Variants in CTNNA2 observed in about 807,000 individuals in gnomAD.
The protein encoded by CTNNA2 is catenin alpha-2.
CTNNA2 carries 42 observed loss-of-function variants against 101.0 expected under a neutral mutation model. That is an observed-to-expected ratio of 0.42 (90% CI 0.32 to 0.54). The LOEUF is 0.54. Ranked by LOEUF, CTNNA2 falls within the 20% of genes least tolerant of loss-of-function variation. The pLI is 0.14. For synonymous variants in CTNNA2, 450 were observed against 456.4 expected, an observed-to-expected ratio of 0.99 and a Z score of 0.18; for missense variants, 871 against 1,223.1, an observed-to-expected ratio of 0.71 and a Z score of 4.29.
intron 7 of CTNNA2, among the ~76,000 whole-genome samples, chr2:80,315,377 G>A (rs1212529649): frequency 1.3e-5 from 2 of 152,346 alleles, no homozygotes; most frequent in East Asian, 3.9e-4. Flanking sequence ...CAGGTTGACT[G>A]AAAGCTGTGG....
chr2:79,387,771 C>G (rs371997035), intron 4 of CTNNA2, among the ~76,000 whole-genome samples: 19 of 152,234 alleles, frequency 1.2e-4, no homozygotes, highest in African/African-American at 4.6e-4. Context: ...AGTGGGCTCA[C>G]TGACATTAAA....
intron 11 of CTNNA2, among the ~76,000 whole-genome samples, chr2:80,547,987 C>G (rs1024838350): frequency 5.9e-5 from 9 of 152,084 alleles, no homozygotes; most frequent in African/African-American, 2.2e-4. Context: ...CCATCGCGCC[C>G]AGCCCATTTC....
intron 9 of CTNNA2, among the ~76,000 whole-genome samples, chr2:80,433,961 T>G (rs1681786335): frequency 6.6e-6 from 1 of 152,204 alleles, no homozygotes; most frequent in African/African-American, 2.4e-5. Flanking sequence ...ATGAAAACAA[T>G]TCAACCTTTG....
At chr2:79,538,149 T>G (rs961269656) in intron 1 of CTNNA2, among the ~76,000 whole-genome samples, 1 of 152,154 alleles carries the variant, frequency 6.6e-6, no homozygotes, top group African/African-American at 2.4e-5. Flanking sequence ...CTCAAACTTG[T>G]TGTTTCAAAC....
In CTNNA2 at chr2:79,513,193, C is replaced by T. The variant is rs1039847249; in HGVS notation, c.-20C>T. On this transcript the variant is annotated 5_prime_UTR_variant, in exon 1 of 19. Transcript: ENST00000402739. ...GAAAGAGGAGGAGGCGAGAAACTCC[C>T]ACCGACCCACAGAGGTGAGTCCCGG... is the stretch of plus-strand genomic sequence containing the variant. The T allele has an allele frequency of 1.0e-4, 16 of 152,710 alleles. 1 individual carries two copies. Among genetic ancestry groups the T allele is most frequent in the African/African-American group, 3.9e-4 (16 of 41,428 alleles). 9.5% of individuals were successfully genotyped at this position (152,710 alleles called of 1,614,324 possible).
At chr2:80,380,778 A>G (rs1238284648) in intron 7 of CTNNA2, among the ~76,000 whole-genome samples, 1 of 152,190 alleles carries the variant, frequency 6.6e-6, no homozygotes, top group Admixed American at 6.5e-5. Context: ...TGGATGTAAT[A>G]TGCATTCTCA....
chr2:80,452,035 T>C (rs1350896452), intron 9 of CTNNA2, among the ~76,000 whole-genome samples: 1 of 152,212 alleles, frequency 6.6e-6, no homozygotes, highest in Non-Finnish European at 1.5e-5. Flanking sequence ...GATGACTAAT[T>C]ATAACAATAT....
At chr2:79,460,009 G>A (rs890251329) in intron 4 of CTNNA2, among the ~76,000 whole-genome samples, 2 of 151,904 alleles carry the variant, frequency 1.3e-5, no homozygotes, top group African/African-American at 4.8e-5. Flanking sequence ...TTCTACTGTT[G>A]TATCCTGTGT....
At chr2:80,635,970 G>A (rs1291574223) in intron 18 of CTNNA2, among the ~76,000 whole-genome samples, 1 of 83,950 alleles carries the variant, frequency 1.2e-5, no homozygotes, top group Non-Finnish European at 2.4e-5. Context: ...GATGCCCATT[G>A]CTTTTTTTTT....
chr2:79,736,208 A>T (rs1214394731), intron 2 of CTNNA2, among the ~76,000 whole-genome samples: 1 of 152,180 alleles, frequency 6.6e-6, no homozygotes, highest in African/African-American at 2.4e-5. Context: ...TACAACATAC[A>T]TATATCTTTA....
At position 80,471,909 on chromosome 2, in the gene CTNNA2, T is replaced by C. The variant is rs142528072; in HGVS notation, c.1290+52308T>C. Among the ~76,000 whole-genome samples the C allele has an allele frequency of 8.8e-4, 134 of 152,084 alleles. 1 individual carries two copies. The highest frequency in any genetic ancestry group is 3.1e-3 in the African/African-American group (128 of 41,512). On this transcript the variant is annotated intron_variant, in intron 9 of 18. Coordinates refer to ENST00000402739, the MANE Select transcript of CTNNA2 (RefSeq NM_001282597.3). ...AGGAGGCCGAGGTGAGTGGATCATG[T>C]GAGGTCAGGAGTTCAAGACCAGCCT...
At chr2:79,581,552 G>C (rs769251015) in intron 1 of CTNNA2, among the ~76,000 whole-genome samples, 11 of 151,952 alleles carry the variant, frequency 7.2e-5, no homozygotes, top group Admixed American at 6.6e-4. Context: ...TAACATACTA[G>C]TTTCTGCTTA....
intron 7 of CTNNA2, among the ~76,000 whole-genome samples, chr2:80,035,651 A>G (rs1695599499): frequency 6.6e-6 from 1 of 152,258 alleles, no homozygotes; most frequent in African/African-American, 2.4e-5. Flanking sequence ...CAGACCATTA[A>G]GGCTCCATCT....
At chr2:80,645,168 A>C (rs1673934506) in intron 18 of CTNNA2, among the ~76,000 whole-genome samples, 1 of 152,126 alleles carries the variant, frequency 6.6e-6, no homozygotes, top group South Asian at 2.1e-4. Flanking sequence ...TACTCATAGC[A>C]TGCGATAGAA....
intron 7 of CTNNA2, among the ~76,000 whole-genome samples, chr2:79,922,447 G>C (rs1366566037): frequency 1.3e-5 from 2 of 151,992 alleles, no homozygotes; most frequent in African/African-American, 2.4e-5. Flanking sequence ...GTATCTTATG[G>C]ATGTGGTAAA....
At chr2:80,212,425 G>A (rs1707956509) in intron 7 of CTNNA2, among the ~76,000 whole-genome samples, 1 of 151,902 alleles carries the variant, frequency 6.6e-6, no homozygotes, top group South Asian at 2.1e-4. Flanking sequence ...TTTTTAGCAT[G>A]AAGGGCTGTT....
At chr2:79,232,098 A>C (rs1223807593) in intron 2 of CTNNA2, among the ~76,000 whole-genome samples, 1 of 151,978 alleles carries the variant, frequency 6.6e-6, no homozygotes, top group East Asian at 1.9e-4. Flanking sequence ...TACTGTGTTG[A>C]ATAGGAGTAG....
intron 12 of CTNNA2, among the ~76,000 whole-genome samples, chr2:80,560,396 CAACT>C (rs148735326): frequency 0.015 from 2,213 of 152,042 alleles, 28 homozygotes; most frequent in Middle Eastern, 0.027. Context: ...TGACTGCTAC[CAACT>C]AACTGTGACC....
At chr2:79,789,734 A>C (rs1316166220) in intron 3 of CTNNA2, among the ~76,000 whole-genome samples, 1 of 152,042 alleles carries the variant, frequency 6.6e-6, no homozygotes, top group Non-Finnish European at 1.5e-5. Context: ...AAGTGGAAGG[A>C]AAATTGGGAA....
Sources: gnomAD v4.1 joint callset for allele counts (sites outside exome capture counted in the v4.1 genomes callset) on GRCh38, gnomAD v4.1.1 for gene constraint, MANE v1.5 for transcripts, NCBI Gene and HGNC (gene_info 2026-07-23, HGNC 2026-07-21) for gene names.